The following TIGAR variants were observed in gnomAD, a reference collection of about 807,000 sequenced individuals.
TIGAR encodes fructose-2,6-bisphosphatase TIGAR.
A neutral mutation model predicts 17.9 loss-of-function variants in TIGAR; 7 were observed. The observed-to-expected ratio is 0.39, with a 90% CI of 0.22 to 0.73. TIGAR has a LOEUF of 0.73. TIGAR is among the 30% of genes least tolerant of loss of function. The pLI, the probability that TIGAR is intolerant of heterozygous loss-of-function variation, is 0.42. For missense variants in TIGAR, 258 were observed against 327.4 expected, an observed-to-expected ratio of 0.79 and a Z score of 1.64; for synonymous variants, 94 against 108.6, an observed-to-expected ratio of 0.87 and a Z score of 0.84.
At chr12:4,344,745 A>C (rs1340213449) in intron 3 of TIGAR, among the ~76,000 whole-genome samples, 2 of 152,204 alleles carry the variant, frequency 1.3e-5, no homozygotes, top group Non-Finnish European at 2.9e-5. Flanking sequence ...TATTCAACAT[A>C]GTGTTGGAAG....
intron 3 of TIGAR, among the ~76,000 whole-genome samples, chr12:4,338,977 C>CAAAAA (rs1192832105): frequency 9.0e-5 from 9 of 100,542 alleles, no homozygotes; most frequent in East Asian, 3.2e-4. Context: ...CTTTGTCTCA[C>CAAAAA]AAAAAAAAAA....
chr12:4,341,485 C>G (rs1864720654), intron 3 of TIGAR, among the ~76,000 whole-genome samples: 1 of 152,184 alleles, frequency 6.6e-6, no homozygotes, highest in African/African-American at 2.4e-5. Context: ...TGGGAGGCAC[C>G]CCCCAGTAGG....
intron 3 of TIGAR, among the ~76,000 whole-genome samples, chr12:4,338,734 T>G (rs765927104): frequency 1.3e-5 from 2 of 151,824 alleles, no homozygotes; most frequent in South Asian, 2.1e-4. Flanking sequence ...AAAAGCCACT[T>G]TGGGAGGCCG....
chr12:4,345,272 T>C (rs1333035450), intron 3 of TIGAR, among the ~76,000 whole-genome samples: 1 of 152,180 alleles, frequency 6.6e-6, no homozygotes, highest in Non-Finnish European at 1.5e-5. Flanking sequence ...AAAGTTCATA[T>C]GGAACCAAAA....
At position 4,321,627 on chromosome 12, in the gene TIGAR, A is replaced by C. The variant is rs965453527; in HGVS notation, c.32+324A>C. On this transcript the variant is annotated intron_variant, in intron 1 of 5. Coordinates refer to ENST00000179259, the MANE Select transcript of TIGAR (RefSeq NM_020375.3). This position sits in a 1 kb window ranked among gnomAD's most constrained non-coding sequence, Gnocchi z 5.2. ...CAAAAACGGTGCCAGACATGTCCAC[A>C]GACTTGTCTGGGTACCGATTTTGCT... Among the ~76,000 whole-genome samples, 1 of 152,158 alleles carries C rather than the reference A, an allele frequency of 6.6e-6. No homozygotes were observed. Among genetic ancestry groups the C allele is most frequent in the Non-Finnish European group, 1.5e-5 (1 of 68,024 alleles).
rs567437319 is a variant in TIGAR at position 4,330,365 on chromosome 12, A to G, written c.33-915A>G. 2.4e-4 allele frequency among the ~76,000 whole-genome samples: 37 copies of G among 152,350 alleles called. No individual in the cohort carries two copies. The South Asian group carries it at 7.2e-3, about 30-fold the overall frequency. On this transcript the variant is annotated intron_variant, in intron 1 of 5. Transcript: ENST00000179259. ...CACTGAATCTTGTTGAGGGTGGTAC[A>G]CCACACTACAGGGTGGTGTAACCTG...
chr12:4,348,026 C>T (rs1160954862), intron 3 of TIGAR, among the ~76,000 whole-genome samples: 2 of 151,948 alleles, frequency 1.3e-5, no homozygotes, highest in Non-Finnish European at 2.9e-5. Flanking sequence ...GTCCCAGCTA[C>T]TTGGGAGGCT....
chr12:4,350,994 C>T (rs560677126), intron 4 of TIGAR, among the ~76,000 whole-genome samples: 1 of 152,160 alleles, frequency 6.6e-6, no homozygotes, highest in African/African-American at 2.4e-5. Flanking sequence ...TGTATTTGTT[C>T]AATAAATTCC....
intron 1 of TIGAR, among the ~76,000 whole-genome samples, chr12:4,323,826 C>T (rs77417653): frequency 1.3e-5 from 2 of 152,242 alleles, no homozygotes; most frequent in East Asian, 3.9e-4. Flanking sequence ...CAATGCTTTC[C>T]GGTCTGGATC....
chr12:4,340,193 A>T (rs1353852303), intron 3 of TIGAR, among the ~76,000 whole-genome samples: 1 of 152,258 alleles, frequency 6.6e-6, no homozygotes, highest in East Asian at 1.9e-4. Flanking sequence ...AACAATTAGA[A>T]CTGATACATT....
chr12:4,349,517 A>G (rs1864814671), intron 3 of TIGAR, among the ~76,000 whole-genome samples: 1 of 151,942 alleles, frequency 6.6e-6, no homozygotes, highest in South Asian at 2.1e-4. Flanking sequence ...TCCCAGGTTC[A>G]AGCAATTCTT....
rs549996627 is a variant in TIGAR, at chr12:4,357,907, T to C, written c.*5216T>C. Among the ~76,000 whole-genome samples, 10 of 150,332 alleles carry C rather than the reference T, an allele frequency of 6.7e-5. No individual in the cohort carries two copies. The highest frequency in any genetic ancestry group is 2.0e-4 in the Admixed American group (3 of 15,094). Reference sequence around the variant, plus strand: ...TCACGAGGTCAGGAGATAGAGACCATCCTGGCTAACACAGTGAAACCTCGT... The same window carrying C: ...TCACGAGGTCAGGAGATAGAGACCACCCTGGCTAACACAGTGAAACCTCGT... On this transcript the variant is annotated 3_prime_UTR_variant, in exon 6 of 6. Transcript: ENST00000179259.
At chr12:4,329,127 A>G (rs1275792534) in intron 1 of TIGAR, among the ~76,000 whole-genome samples, 1 of 151,978 alleles carries the variant, frequency 6.6e-6, no homozygotes, top group Non-Finnish European at 1.5e-5. Context: ...TTAATCATAT[A>G]TCTTGGTGAG....
At position 4,355,039 on chromosome 12, in the gene TIGAR, A is replaced by AT. The variant is rs938019371; in HGVS notation, c.*2355dup. Among the ~76,000 whole-genome samples the AT allele has an allele frequency of 1.1e-4, 17 of 151,566 alleles. No individual in the cohort carries two copies. Among genetic ancestry groups the AT allele is most frequent in the African/African-American group, 3.1e-4 (13 of 41,364 alleles). On this transcript the variant is annotated 3_prime_UTR_variant, in exon 6 of 6. Transcript: ENST00000179259. The stretch of plus-strand genomic sequence containing the variant: ...AGCCACCGTGCCTGGCCTATGATGC[A>AT]TTTTTTTAATATGTGTTCTTAATTT...
Position 4,321,386 on chromosome 12 carries a change from C to T in TIGAR, c.32+83C>T. 6.4e-7 allele frequency: 1 copy of T among 1,567,370 alleles called. No individual in the cohort carries two copies. On this transcript the variant is annotated intron_variant, in intron 1 of 5. Coordinates refer to ENST00000179259, the MANE Select transcript of TIGAR (RefSeq NM_020375.3). The surrounding 1 kb of genome is among the most constrained non-coding windows in gnomAD (Gnocchi z 5.2). ...GGGTGAAGGGAAAACGGGTCCACCA[C>T]CCTCTCCCCTCCCTGCTCGCTCCAG...
rs1359023729 is a variant in TIGAR at position 4,358,738 on chromosome 12, T to TC, written c.*6048dup. 1.2e-4 allele frequency among the ~76,000 whole-genome samples: 18 copies of TC among 151,842 alleles called. No individual in the cohort carries two copies. Among genetic ancestry groups the TC allele is most frequent in the African/African-American group, 4.4e-4 (18 of 41,338 alleles). ...ATGTACCTGTGGCTTTTTTTTTTTT[T>TC]CTGAATCAAGAATCCAATCAATCCA... On this transcript the variant is annotated 3_prime_UTR_variant, in exon 6 of 6. Coordinates refer to ENST00000179259, the MANE Select transcript of TIGAR (RefSeq NM_020375.3).
At chr12:4,332,886 G>T (rs994973562) in intron 2 of TIGAR, among the ~76,000 whole-genome samples, 18 of 152,150 alleles carry the variant, frequency 1.2e-4, no homozygotes, top group Non-Finnish European at 2.9e-5. Flanking sequence ...TTGCCTGCAT[G>T]TCCTAAATAT....
In TIGAR at chr12:4,357,510, CCT is replaced by C. The variant is rs1322579349; in HGVS notation, c.*4822_*4823del. ...TTTCATGTAAATGTTGCTTTTTACC[CCT>C]CTTTCTTTGGGCCCCATCAATTTGG... On this transcript the variant is annotated 3_prime_UTR_variant, in exon 6 of 6. Transcript: ENST00000179259. Among the ~76,000 whole-genome samples, 12 of 152,076 alleles carry C rather than the reference CCT, an allele frequency of 7.9e-5. No individual in the cohort carries two copies. Among genetic ancestry groups the C allele is most frequent in the Admixed American group, 7.2e-4 (11 of 15,274 alleles).
At chr12:4,351,420 A>C in intron 5 of TIGAR, 43 bp downstream of exon 5, 2 of 1,531,436 alleles carry the variant, frequency 1.3e-6, no homozygotes, top group African/African-American at 1.4e-5. Flanking sequence ...ATTAAGACTC[A>C]AAATTAGATG....
Sources: allele counts gnomAD v4.1 joint callset (sites outside exome capture counted in the v4.1 genomes callset), GRCh38; gene constraint gnomAD v4.1.1; non-coding constraint Gnocchi (gnomAD v3.1); transcripts MANE v1.5; gene names NCBI Gene and HGNC (gene_info 2026-07-23, HGNC 2026-07-21).